The following ASH1L variants were observed in gnomAD, a reference collection of about 807,000 sequenced individuals.
The protein encoded by ASH1L is histone-lysine N-methyltransferase ASH1L.
Under a neutral mutation model 269.0 loss-of-function variants are expected in ASH1L, and 23 were observed. The observed-to-expected ratio is 0.09, with a 90% confidence interval of 0.06 to 0.12. The LOEUF is 0.12. Among genes scored for constraint, ASH1L ranks in the 10% least tolerant of loss-of-function variants. ASH1L has a pLI of 1.00. For synonymous variants in ASH1L, 1,187 were observed against 1,253.5 expected (o/e 0.95, Z 1.12); for missense variants, 2,912 against 3,567.8 (o/e 0.82, Z 4.68).
intron 2 of ASH1L, among the ~76,000 whole-genome samples, chr1:155,488,395 C>G (rs1666473579): frequency 6.7e-6 from 1 of 149,126 alleles, no homozygotes; most frequent in Admixed American, 6.7e-5. Flanking sequence ...TACGGTGGCT[C>G]ATGCCTGTAA....
chr1:155,560,594 T>C (rs1412211627), intron 1 of ASH1L, among the ~76,000 whole-genome samples: 1 of 152,174 alleles, frequency 6.6e-6, no homozygotes, highest in Non-Finnish European at 1.5e-5. Context: ...CCTCACGTTG[T>C]ACCCAGGCTA....
intron 1 of ASH1L, among the ~76,000 whole-genome samples, chr1:155,526,939 C>T (rs1297088114): frequency 6.6e-6 from 1 of 152,218 alleles, no homozygotes; most frequent in Non-Finnish European, 1.5e-5. Flanking sequence ...AGCAAGATGG[C>T]TCACGCCTGT....
chr1:155,421,324 T>G (rs1660661866), intron 5 of ASH1L, among the ~76,000 whole-genome samples: 1 of 147,192 alleles, frequency 6.8e-6, no homozygotes, highest in African/African-American at 2.5e-5. Flanking sequence ...ACAGTTTTTT[T>G]TTTTTTTTTT....
At chr1:155,414,207 T>C (rs1162338900) in intron 6 of ASH1L, among the ~76,000 whole-genome samples, 3 of 152,308 alleles carry the variant, frequency 2.0e-5, no homozygotes, top group African/African-American at 7.2e-5. Flanking sequence ...ATTCATTCCA[T>C]TTATTTTCCA....
intron 2 of ASH1L, among the ~76,000 whole-genome samples, chr1:155,487,605 T>C (rs1666416044): frequency 6.6e-6 from 1 of 152,074 alleles, no homozygotes; most frequent in South Asian, 2.1e-4. Context: ...CAGGCTAATC[T>C]CGAACTCCGG....
intron 8 of ASH1L, 104 bp downstream of exon 8, chr1:155,379,939 C>T: frequency 2.4e-6 from 2 of 832,610 alleles, no homozygotes; most frequent in Middle Eastern, 2.3e-4. Flanking sequence ...TTCTGAAAAC[C>T]TCCTAAGATG....
In ASH1L at chr1:155,352,686, T is replaced by G. The variant is rs1352694597; in HGVS notation, c.7366+20A>C. ...AAAGAAAAAGAAAAAAAGAACGAAT[T>G]TGAAGGTGGTTATAGTCACCTTTAT... On this transcript the variant is annotated intron_variant, in intron 17 of 27. Coordinates refer to ENST00000392403, the MANE Select transcript of ASH1L (RefSeq NM_018489.3). 1 of 1,557,044 alleles carries G rather than the reference T, an allele frequency of 6.4e-7. No individual in the cohort carries two copies. Among genetic ancestry groups the G allele is most frequent in the Admixed American group, 2.2e-5 (1 of 45,944 alleles).
At chr1:155,448,507 C>T (rs1421484201) in intron 4 of ASH1L, among the ~76,000 whole-genome samples, 2 of 152,086 alleles carry the variant, frequency 1.3e-5, no homozygotes, top group Non-Finnish European at 2.9e-5. Flanking sequence ...TCACTTTCTT[C>T]TTTTTTGAGA....
At chr1:155,556,791 A>G (rs1302081961) in intron 1 of ASH1L, among the ~76,000 whole-genome samples, 2 of 152,114 alleles carry the variant, frequency 1.3e-5, no homozygotes, top group South Asian at 2.1e-4. Flanking sequence ...GCTCATGCCT[A>G]TAATTCCAGC....
intron 1 of ASH1L, among the ~76,000 whole-genome samples, chr1:155,555,031 T>C (rs1237588136): frequency 2.7e-5 from 4 of 149,378 alleles, no homozygotes; most frequent in Non-Finnish European, 5.9e-5. Flanking sequence ...TAGTCCCAGC[T>C]ACTCAGGAGG....
chr1:155,545,340 T>C (rs1670734161), intron 1 of ASH1L, among the ~76,000 whole-genome samples: 1 of 151,878 alleles, frequency 6.6e-6, no homozygotes, highest in Non-Finnish European at 1.5e-5. Context: ...AACTTTTACA[T>C]TTTACATACT....
chr1:155,393,309 C>A (rs959307379), intron 7 of ASH1L, among the ~76,000 whole-genome samples: 10 of 152,156 alleles, frequency 6.6e-5, no homozygotes, highest in African/African-American at 2.4e-4. Flanking sequence ...TGGTACTGAA[C>A]TCTCTCAGGG....
intron 2 of ASH1L, among the ~76,000 whole-genome samples, chr1:155,488,456 G>A (rs1202650748): frequency 7.1e-6 from 1 of 139,874 alleles, no homozygotes; most frequent in Non-Finnish European, 1.5e-5. Context: ...TCAGGAGAGT[G>A]AGACCATCCT....
intron 3 of ASH1L, 88 bp downstream of exon 3, chr1:155,477,798 T>C: frequency 7.8e-7 from 1 of 1,276,306 alleles, no homozygotes; most frequent in Non-Finnish European, 1.1e-6. Flanking sequence ...AAGATATATA[T>C]ATTAAAAGTT....
intron 2 of ASH1L, among the ~76,000 whole-genome samples, chr1:155,492,767 A>G (rs1048949151): frequency 2.0e-5 from 3 of 150,150 alleles, no homozygotes; most frequent in African/African-American, 4.9e-5. Flanking sequence ...TTGTATTCCT[A>G]TAGAAATTCT....
rs1460095187 is a variant in ASH1L, at chr1:155,477,815, C to T, written c.4984+71G>A. 1.5e-5 allele frequency: 22 copies of T among 1,430,756 alleles called. 1 individual carries two copies. The Admixed American group carries it at 4.9e-4, about 32-fold the overall frequency. 88.6% of individuals were successfully genotyped at this position (1,430,756 alleles called of 1,614,324 possible). ...GATATATATATTAAAAGTTCATCTA[C>T]ATTTATCAGGCACCTGTGGAAAATA... On this transcript the variant is annotated intron_variant, in intron 3 of 27. Coordinates refer to ENST00000392403, the MANE Select transcript of ASH1L (RefSeq NM_018489.3).
chr1:155,367,762 G>C (rs1170440199), intron 12 of ASH1L, among the ~76,000 whole-genome samples: 1 of 152,134 alleles, frequency 6.6e-6, no homozygotes, highest in Non-Finnish European at 1.5e-5. Flanking sequence ...GGTTTACACT[G>C]ATTTTTGAAT....
rs1385028734 is a variant in ASH1L, at chr1:155,335,674, TCA to T, written c.*1984_*1985del. The T allele has an allele frequency of 1.3e-5, 2 of 152,754 alleles. No individual in the cohort carries two copies. Among genetic ancestry groups the T allele is most frequent in the African/African-American group, 4.8e-5 (2 of 41,438 alleles). 9.5% of individuals were successfully genotyped at this position (152,754 alleles called of 1,614,324 possible). ...AACATTTGATTGTCTAAAAAACATT[TCA>T]GTTTTTTTTTAGTCTTTCAACAAAA... On this transcript the variant is annotated 3_prime_UTR_variant, in exon 28 of 28. Coordinates refer to ENST00000392403, the MANE Select transcript of ASH1L (RefSeq NM_018489.3).
chr1:155,501,906 C>T (rs1254576744), intron 2 of ASH1L, among the ~76,000 whole-genome samples: 4 of 151,990 alleles, frequency 2.6e-5, no homozygotes, highest in African/African-American at 9.7e-5. Flanking sequence ...CATGATCCGC[C>T]TGCCTCAACC....
Sources: gnomAD v4.1 joint callset for allele counts (sites outside exome capture counted in the v4.1 genomes callset) on GRCh38, gnomAD v4.1.1 for gene constraint, MANE v1.5 for transcripts, NCBI Gene and HGNC (gene_info 2026-07-23, HGNC 2026-07-21) for gene names.